Variants in PRTFDC1 observed in about 807,000 individuals in gnomAD.
PRTFDC1 encodes the protein phosphoribosyl transferase domain containing 1.
In PRTFDC1, 38 loss-of-function variants were observed where a neutral mutation model predicts 34.6. The observed-to-expected ratio is 1.10, with a 90% confidence interval of 0.85 to 1.44. The LOEUF (loss-of-function observed/expected upper bound fraction) is 1.44. PRTFDC1 is among the 40% of genes most tolerant of loss of function. The pLI is 0.00. For missense variants in PRTFDC1, 270 were observed against 283.0 expected (o/e 0.95, Z 0.33); for synonymous variants, 93 against 98.1 (o/e 0.95, Z 0.31).
At chr10:24,892,333 C>A (rs1848277235) in intron 3 of PRTFDC1, among the ~76,000 whole-genome samples, 1 of 152,130 alleles carries the variant, frequency 6.6e-6, no homozygotes, top group Non-Finnish European at 1.5e-5. Context: ...TACTGTTCGC[C>A]ATAGTAGCTA....
chr10:24,923,724 A>G (rs1370936262), intron 3 of PRTFDC1, among the ~76,000 whole-genome samples: 1 of 152,342 alleles, frequency 6.6e-6, no homozygotes, highest in African/African-American at 2.4e-5. Context: ...GAAAATTCCA[A>G]AAACCAGAGT....
intron 3 of PRTFDC1, among the ~76,000 whole-genome samples, chr10:24,876,955 G>C (rs932523158): frequency 2.6e-5 from 4 of 151,892 alleles, no homozygotes; most frequent in African/African-American, 9.7e-5. Context: ...TTCCCACTGG[G>C]ATGGTGAAGG....
At chr10:24,876,405 A>G (rs1847963056) in intron 3 of PRTFDC1, among the ~76,000 whole-genome samples, 1 of 152,016 alleles carries the variant, frequency 6.6e-6, no homozygotes, top group African/African-American at 2.4e-5. Flanking sequence ...TCTTTTTAAA[A>G]AATTTTATGG....
chr10:24,937,143 G>A, intron 3 of PRTFDC1, 41 bp downstream of exon 3: 1 of 1,494,478 alleles, frequency 6.7e-7, no homozygotes, highest in Non-Finnish European at 9.1e-7. Context: ...CTAAAGCATT[G>A]TTAAATGAAA....
intron 3 of PRTFDC1, among the ~76,000 whole-genome samples, chr10:24,918,325 TATATC>T (rs145794012): frequency 1.2e-4 from 18 of 151,952 alleles, no homozygotes; most frequent in African/African-American, 3.4e-4. Context: ...CACTTTTAAC[TATATC>T]ATATCATATC....
chr10:24,872,618 G>A (rs186763829), intron 3 of PRTFDC1, among the ~76,000 whole-genome samples: 1 of 151,650 alleles, frequency 6.6e-6, no homozygotes, highest in Admixed American at 6.6e-5. Flanking sequence ...CTTCTGACAT[G>A]AATGATGAGG....
intron 3 of PRTFDC1, among the ~76,000 whole-genome samples, chr10:24,880,906 ATCTT>A (rs758264558): frequency 8.7e-4 from 68 of 78,108 alleles, no homozygotes; most frequent in Non-Finnish European, 1.4e-3. Flanking sequence ...CTTTCTTTCC[ATCTT>A]TCTTTCTTCC....
At chr10:24,930,069 A>T (rs1359103192) in intron 3 of PRTFDC1, among the ~76,000 whole-genome samples, 5 of 146,708 alleles carry the variant, frequency 3.4e-5, no homozygotes, top group Non-Finnish European at 7.5e-5. Flanking sequence ...ACATGTACAC[A>T]CACACAAACA....
At chr10:24,920,249 G>A (rs111546561) in intron 3 of PRTFDC1, among the ~76,000 whole-genome samples, 8 of 151,694 alleles carry the variant, frequency 5.3e-5, no homozygotes, top group African/African-American at 1.9e-4. Context: ...ATGATAGACT[G>A]GATAAATAAA....
Position 24,851,459 on chromosome 10 carries a change from C to T in PRTFDC1, c.559G>A (p.Gly187Arg). Reference sequence around the variant, plus strand: ...ACAAATAAGTTTGGAATCTCAAATCCAGCATCTTAGCAGACAGAGAAAGAG... The same window carrying T: ...ACAAATAAGTTTGGAATCTCAAATCTAGCATCTTAGCAGACAGAGAAAGAG... The part of the protein sequence containing the change: ...RSDGFRPDYA[G>R]FEIPNLFVVG... The change falls in exon 8 of 9, where the codon GGA becomes AGA. Residue 187 changes from glycine (G) to arginine (R), a missense_variant. Gly to Arg is a moderately radical substitution (Grantham distance 125). Transcript: ENST00000320152. 1 of 1,609,620 alleles carries T rather than the reference C, an allele frequency of 6.2e-7. No individual in the cohort carries two copies. The highest frequency in any genetic ancestry group is 8.5e-7 in the Non-Finnish European group (1 of 1,179,262).
At chr10:24,911,001 C>T (rs1848618774) in intron 3 of PRTFDC1, among the ~76,000 whole-genome samples, 1 of 151,604 alleles carries the variant, frequency 6.6e-6, no homozygotes, top group African/African-American at 2.4e-5. Flanking sequence ...GGACTGTACA[C>T]CTATTTCTTT....
At chr10:24,925,446 A>G (rs563626877) in intron 3 of PRTFDC1, among the ~76,000 whole-genome samples, 82 of 152,204 alleles carry the variant, frequency 5.4e-4, no homozygotes, top group Non-Finnish European at 9.6e-4. Flanking sequence ...CATTGTGCAC[A>G]TGTACCCTAG....
intron 4 of PRTFDC1, among the ~76,000 whole-genome samples, chr10:24,859,906 G>A (rs1298753598): frequency 6.6e-6 from 1 of 152,118 alleles, no homozygotes; most frequent in Non-Finnish European, 1.5e-5. Flanking sequence ...ACTTATTACT[G>A]AGTTAAAACT....
intron 3 of PRTFDC1, among the ~76,000 whole-genome samples, chr10:24,915,766 T>C (rs980930212): frequency 1.3e-5 from 2 of 152,174 alleles, no homozygotes; most frequent in Non-Finnish European, 2.9e-5. Context: ...TCAGACTGCT[T>C]TACTAGTTTC....
chr10:24,881,896 A>G (rs1848084746), intron 3 of PRTFDC1, among the ~76,000 whole-genome samples: 1 of 151,902 alleles, frequency 6.6e-6, no homozygotes, highest in Non-Finnish European at 1.5e-5. Context: ...TCGAGTGGAT[A>G]ATTCTTATTC....
chr10:24,857,834 C>T (rs1847609227), intron 5 of PRTFDC1, among the ~76,000 whole-genome samples: 1 of 152,138 alleles, frequency 6.6e-6, no homozygotes, highest in Non-Finnish European at 1.5e-5. Flanking sequence ...TAGTCCACTA[C>T]TGCCATAGGG....
chr10:24,922,163 T>A (rs1448044244), intron 3 of PRTFDC1, among the ~76,000 whole-genome samples: 1 of 152,252 alleles, frequency 6.6e-6, no homozygotes, highest in Non-Finnish European at 1.5e-5. Context: ...TTCCTGGTCT[T>A]GATGCTAAAT....
chr10:24,903,881 G>T (rs1435336347), intron 3 of PRTFDC1, among the ~76,000 whole-genome samples: 2 of 151,358 alleles, frequency 1.3e-5, no homozygotes, highest in South Asian at 4.2e-4. Context: ...ATAGGGCTGG[G>T]TCTTGCTAAC....
chr10:24,934,989 T>G (rs1849027249), intron 3 of PRTFDC1, among the ~76,000 whole-genome samples: 1 of 152,232 alleles, frequency 6.6e-6, no homozygotes, highest in African/African-American at 2.4e-5. Context: ...TGTAAGACAT[T>G]CTGGAAAGGG....
Sources: gnomAD v4.1 joint callset for allele counts (sites outside exome capture counted in the v4.1 genomes callset) on GRCh38, gnomAD v4.1.1 for gene constraint, MANE v1.5 for transcripts, NCBI Gene and HGNC (gene_info 2026-07-23, HGNC 2026-07-21) for gene names.